PHF14: variants seen among roughly 807,000 people sequenced by gnomAD.
The protein encoded by PHF14 is PHD finger protein 14.
In PHF14, 55 loss-of-function variants were observed where a neutral mutation model predicts 117.9. That is an observed-to-expected ratio of 0.47 (90% CI 0.38 to 0.58). PHF14 has a LOEUF of 0.58. Ranked by LOEUF, PHF14 falls within the 20% of genes least tolerant of loss-of-function variation. The probability of loss-of-function intolerance (pLI) is 0.00; values close to 1 mark genes in which losing one functional copy is unlikely to be tolerated. For synonymous variants in PHF14, 409 were observed against 368.6 expected (o/e 1.11, Z -1.26); for missense variants, 978 against 1,122.2 (o/e 0.87, Z 1.84).
chr7:10,974,237 G>A lies in PHF14; in HGVS notation c.-87G>A, dbSNP rs1377674882. Reference sequence around the variant, plus strand: ...AATAGCATCTTTCGGACTTGTCTTCGCGGCCCCAGTCCCCGACCTCGGCGC... The same window carrying A: ...AATAGCATCTTTCGGACTTGTCTTCACGGCCCCAGTCCCCGACCTCGGCGC... On this transcript the variant is annotated 5_prime_UTR_variant, in exon 1 of 18. Transcript: ENST00000634607. The A allele has an allele frequency of 2.6e-6, 3 of 1,159,792 alleles. No homozygotes were observed. The highest frequency in any genetic ancestry group is 3.8e-6 in the Non-Finnish European group (3 of 794,844). The allele number at this position is 1,159,792 out of a possible 1,614,324, so 71.8% of individuals were successfully genotyped here.
chr7:11,039,260 A>G lies in PHF14; in HGVS notation c.2076+405A>G, dbSNP rs1045570766. Among the ~76,000 whole-genome samples the G allele has an allele frequency of 2.6e-5, 4 of 151,348 alleles. No homozygotes were observed. The East Asian group carries it at 5.8e-4, about 22-fold the overall frequency. On this transcript the variant is annotated intron_variant, in intron 11 of 17. Transcript: ENST00000634607. ...ATTTTTTTTTCTATTCTTTGGATGT[A>G]TAATTTAAAATTAAAAAAGGCAAAC...
intron 2 of PHF14, 65 bp from the exon 3 acceptor site, chr7:10,982,307 G>A (rs1233274196): frequency 1.4e-5 from 14 of 1,025,720 alleles, no homozygotes; most frequent in South Asian, 2.0e-5. Flanking sequence ...TTGTGTCAGC[G>A]TTGTGTGTGT....
intron 17 of PHF14, among the ~76,000 whole-genome samples, chr7:11,132,919 A>T (rs878983104): frequency 6.6e-6 from 1 of 151,788 alleles, no homozygotes; most frequent in Non-Finnish European, 1.5e-5. Context: ...AGAAATGTCT[A>T]TTCAAGTCTG....
chr7:10,993,880 G>A (rs529752474), intron 4 of PHF14, among the ~76,000 whole-genome samples: 3 of 152,058 alleles, frequency 2.0e-5, no homozygotes, highest in South Asian at 2.1e-4. Flanking sequence ...ATGGTGGCAC[G>A]TGCCTGTAAT....
At position 11,139,234 on chromosome 7, in the gene PHF14, A is replaced by T. The variant is rs373950707; in HGVS notation, c.2772+27767A>T. On this transcript the variant is annotated intron_variant, in intron 17 of 17. Coordinates refer to ENST00000634607, the MANE Select transcript of PHF14 (RefSeq NM_001007157.2). Reference sequence around the variant, plus strand: ...AATTTACAGATTTATTAAAAAACATATTGAGAGAAAATGTTTAAATAATTT... The same window carrying T: ...AATTTACAGATTTATTAAAAAACATTTTGAGAGAAAATGTTTAAATAATTT... 5.3e-5 allele frequency among the ~76,000 whole-genome samples: 8 copies of T among 152,288 alleles called. No individual in the cohort carries two copies. The East Asian group carries it at 9.6e-4, about 18-fold the overall frequency.
intron 4 of PHF14, among the ~76,000 whole-genome samples, chr7:11,000,095 G>T (rs1328129494): frequency 6.6e-6 from 1 of 152,018 alleles, no homozygotes; most frequent in Non-Finnish European, 1.5e-5. Flanking sequence ...TTAATTTATT[G>T]GTAGTAATTT....
At chr7:11,155,741 A>G (rs531876890) in intron 17 of PHF14, among the ~76,000 whole-genome samples, 16 of 152,114 alleles carry the variant, frequency 1.1e-4, no homozygotes, top group Non-Finnish European at 1.8e-4. Flanking sequence ...AGGCAGGGAC[A>G]GTGTCTGTCT....
intron 2 of PHF14, among the ~76,000 whole-genome samples, chr7:10,979,506 A>G (rs1015263096): frequency 3.3e-5 from 5 of 151,666 alleles, no homozygotes; most frequent in African/African-American, 9.7e-5. Flanking sequence ...CTTTCTGCCT[A>G]AGATAATTTC....
chr7:11,013,704 CAAAAT>C, intron 4 of PHF14, 38 bp from the exon 5 acceptor site: 1 of 1,148,454 alleles, frequency 8.7e-7, no homozygotes, highest in Non-Finnish European at 1.2e-6. Context: ...GTGACTTTAA[CAAAAT>C]AAACCCTATT....
intron 7 of PHF14, among the ~76,000 whole-genome samples, chr7:11,029,445 C>A (rs941752563): frequency 4.6e-5 from 7 of 152,078 alleles, no homozygotes; most frequent in African/African-American, 1.4e-4. Context: ...TACAGTATAA[C>A]AGAACCCACC....
At chr7:11,168,189 C>CA (rs1047362574) in intron 17 of PHF14, among the ~76,000 whole-genome samples, 2 of 151,968 alleles carry the variant, frequency 1.3e-5, no homozygotes, top group African/African-American at 4.8e-5. Flanking sequence ...AAAAATATAT[C>CA]AAAGTTACAT....
intron 17 of PHF14, among the ~76,000 whole-genome samples, chr7:11,120,504 G>A (rs1159199642): frequency 6.6e-6 from 1 of 152,118 alleles, no homozygotes; most frequent in South Asian, 2.1e-4. Flanking sequence ...ACACTAAACA[G>A]GGGAAGGTCA....
At chr7:11,168,363 T>TAAAA (rs1182339527) in intron 17 of PHF14, among the ~76,000 whole-genome samples, 1 of 152,170 alleles carries the variant, frequency 6.6e-6, no homozygotes. Context: ...AAAGCTTTTT[T>TAAAA]CACCCGCCTT....
intron 4 of PHF14, among the ~76,000 whole-genome samples, chr7:10,995,500 C>T (rs1019325929): frequency 6.6e-6 from 1 of 152,234 alleles, no homozygotes; most frequent in Non-Finnish European, 1.5e-5. Flanking sequence ...CCCAGTGGAT[C>T]CCGCACCAGG....
In PHF14 at chr7:11,014,000, T is replaced by C. The variant is rs999819279; in HGVS notation, c.1205+94T>C. On this transcript the variant is annotated intron_variant, in intron 5 of 17. Transcript: ENST00000634607. ...TTCTGTTTATGATTACACACTTTCA[T>C]TTGATTGCTTCTTTGTATCTTCTTG... 1.1e-5 allele frequency: 8 copies of C among 730,662 alleles called. No individual in the cohort carries two copies. The Admixed American group carries it at 1.1e-4, about 10-fold the overall frequency. 45.3% of individuals were successfully genotyped at this position (730,662 alleles called of 1,614,324 possible).
intron 13 of PHF14, among the ~76,000 whole-genome samples, chr7:11,045,938 T>C (rs1784649024): frequency 6.6e-6 from 1 of 152,162 alleles, no homozygotes; most frequent in African/African-American, 2.4e-5. Flanking sequence ...ATGTGATTAT[T>C]TGATTTTTCT....
At chr7:11,157,944 G>A (rs1459868336) in intron 17 of PHF14, among the ~76,000 whole-genome samples, 2 of 152,024 alleles carry the variant, frequency 1.3e-5, no homozygotes, top group Non-Finnish European at 2.9e-5. Flanking sequence ...TGTTTGTCTG[G>A]TTTTATTTTT....
chr7:11,017,801 G>T (rs1040047925), intron 5 of PHF14, among the ~76,000 whole-genome samples: 2 of 152,056 alleles, frequency 1.3e-5, no homozygotes, highest in Non-Finnish European at 1.5e-5. Context: ...TTTTGCTTCG[G>T]TTGCTTGTGC....
intron 16 of PHF14, among the ~76,000 whole-genome samples, chr7:11,075,583 T>G (rs1054044453): frequency 4.1e-5 from 6 of 147,162 alleles, no homozygotes; most frequent in African/African-American, 1.3e-4. Context: ...TTTTTTTTTT[T>G]TTTTTTTATT....
Sources: gnomAD v4.1 joint callset for allele counts (sites outside exome capture counted in the v4.1 genomes callset) on GRCh38, gnomAD v4.1.1 for gene constraint, MANE v1.5 for transcripts, NCBI Gene and HGNC (gene_info 2026-07-23, HGNC 2026-07-21) for gene names.